CDH13: variants seen among roughly 807,000 people sequenced by gnomAD.
CDH13 encodes cadherin 13, also known as cadherin-13.
Under a neutral mutation model 63.8 loss-of-function variants are expected in CDH13, and 24 were observed. The ratio of observed to expected loss-of-function variants is 0.38; its 90% CI spans 0.27 to 0.53. CDH13 has a LOEUF of 0.53. Ranked by LOEUF, CDH13 falls within the 20% of genes least tolerant of loss-of-function variation. The pLI, the probability that CDH13 is intolerant of heterozygous loss-of-function variation, is 0.85. For missense variants in CDH13, 1,049 were observed against 903.1 expected (o/e 1.16, Z -2.07); for synonymous variants, 503 against 355.3 (o/e 1.42, Z -4.67).
At chr16:83,293,951 G>T (rs1167768802) in intron 5 of CDH13, among the ~76,000 whole-genome samples, 1 of 152,004 alleles carries the variant, frequency 6.6e-6, no homozygotes, top group Admixed American at 6.6e-5. Flanking sequence ...TTTCATACAG[G>T]TATTATTGTT....
At chr16:83,633,664 G>T (rs146621276) in intron 8 of CDH13, among the ~76,000 whole-genome samples, 7 of 152,230 alleles carry the variant, frequency 4.6e-5, no homozygotes, top group African/African-American at 1.4e-4. Context: ...TGGAGGCTTG[G>T]CTTCCAGGAA....
chr16:82,816,759 T>C (rs2037733698), intron 1 of CDH13, among the ~76,000 whole-genome samples: 1 of 136,200 alleles, frequency 7.3e-6, no homozygotes, highest in South Asian at 2.4e-4. Context: ...AGATGTTTTA[T>C]CATCACCGTC....
intron 1 of CDH13, among the ~76,000 whole-genome samples, chr16:82,664,315 T>A (rs1912332484): frequency 6.6e-6 from 1 of 152,236 alleles, no homozygotes; most frequent in East Asian, 1.9e-4. Flanking sequence ...CCTGCTTCAC[T>A]CTTGTCTCTC....
At chr16:83,770,201 T>C (rs930186719) in intron 11 of CDH13, among the ~76,000 whole-genome samples, 12 of 152,198 alleles carry the variant, frequency 7.9e-5, no homozygotes, top group African/African-American at 2.4e-4. Context: ...AGCAATATAC[T>C]GTTGGCCATG....
At chr16:82,751,213 C>T (rs931342811) in intron 1 of CDH13, among the ~76,000 whole-genome samples, 2 of 152,212 alleles carry the variant, frequency 1.3e-5, no homozygotes, top group Non-Finnish European at 2.9e-5. Context: ...GATTCATGGG[C>T]TTGCAACATG....
At chr16:83,207,321 G>T (rs2039211374) in intron 4 of CDH13, among the ~76,000 whole-genome samples, 1 of 152,102 alleles carries the variant, frequency 6.6e-6, no homozygotes, top group African/African-American at 2.4e-5. Flanking sequence ...CTTGTAAGTG[G>T]AATCAGACAA....
At chr16:82,920,374 G>A (rs1278151503) in intron 2 of CDH13, among the ~76,000 whole-genome samples, 3 of 152,188 alleles carry the variant, frequency 2.0e-5, no homozygotes, top group Non-Finnish European at 2.9e-5. Context: ...GTCTAACACA[G>A]TTCAAACCAA....
chr16:83,166,243 T>C (rs1225968494), intron 4 of CDH13, among the ~76,000 whole-genome samples: 1 of 152,054 alleles, frequency 6.6e-6, no homozygotes, highest in African/African-American at 2.4e-5. Context: ...GCTGCTCTGG[T>C]ACAATTGAGG....
At chr16:82,807,897 G>T (rs537421399) in intron 1 of CDH13, among the ~76,000 whole-genome samples, 218 of 152,226 alleles carry the variant, frequency 1.4e-3, no homozygotes, top group Non-Finnish European at 2.8e-3. Context: ...GAATATCTTG[G>T]GTAATTTTCA....
intron 3 of CDH13, among the ~76,000 whole-genome samples, chr16:83,054,458 A>G (rs1444260600): frequency 1.3e-5 from 2 of 152,214 alleles, no homozygotes; most frequent in Non-Finnish European, 2.9e-5. Context: ...GCTACTGAGT[A>G]ACTAATGGGA....
intron 2 of CDH13, among the ~76,000 whole-genome samples, chr16:82,936,133 G>A (rs375830812): frequency 1.3e-5 from 2 of 152,120 alleles, no homozygotes; most frequent in Admixed American, 6.6e-5. Flanking sequence ...AAAGGAAGAC[G>A]GAGCTGCCAT....
chr16:83,763,679 C>A lies in CDH13; in HGVS notation c.1681+15429C>A, dbSNP rs140065533. On this transcript the variant is annotated intron_variant, in intron 11 of 13. Transcript: ENST00000567109. ...GCAACCCAATCAAGCCAGTTTAACA[C>A]CCCTTATCTCAGCTGTGATATTAAT... 4.9e-4 allele frequency among the ~76,000 whole-genome samples: 74 copies of A among 152,258 alleles called. 3 individuals are homozygous for A. The East Asian group carries it at 0.011, about 23-fold the overall frequency.
At chr16:83,320,435 G>C (rs759649280) in intron 5 of CDH13, among the ~76,000 whole-genome samples, 2 of 152,196 alleles carry the variant, frequency 1.3e-5, no homozygotes, top group Non-Finnish European at 2.9e-5. Context: ...TGTCACCCAG[G>C]CATTGCTAGA....
chr16:83,747,604 T>C (rs1024973031), intron 10 of CDH13, among the ~76,000 whole-genome samples: 5 of 151,526 alleles, frequency 3.3e-5, no homozygotes, highest in African/African-American at 9.7e-5. Context: ...CACTCTCTGA[T>C]GACATCCTAT....
At chr16:82,828,920 C>G (rs934888300) in intron 1 of CDH13, among the ~76,000 whole-genome samples, 1 of 152,050 alleles carries the variant, frequency 6.6e-6, no homozygotes, top group Non-Finnish European at 1.5e-5. Context: ...CTCACAGATA[C>G]CAAGGGACAA....
At chr16:82,639,503 A>C in intron 1 of CDH13, 1 of 1,366,416 alleles carries the variant, frequency 7.3e-7, no homozygotes, top group Non-Finnish European at 1.0e-6. Context: ...GGCTGGATGG[A>C]ATTCTTCCCT....
At chr16:83,287,347 C>G (rs4782527) in intron 5 of CDH13, among the ~76,000 whole-genome samples, 33,351 of 152,108 alleles carry the variant, frequency 0.22, 3,780 homozygotes, top group Non-Finnish European at 0.24. Context: ...TAGCCTATGA[C>G]CTGTTAGGAA....
chr16:83,740,212 C>G (rs752710824), intron 10 of CDH13, among the ~76,000 whole-genome samples: 2 of 152,012 alleles, frequency 1.3e-5, no homozygotes, highest in Non-Finnish European at 2.9e-5. Context: ...GATGGATCCT[C>G]TAGGACCTTA....
intron 1 of CDH13, among the ~76,000 whole-genome samples, chr16:82,744,080 C>T (rs1017922726): frequency 2.0e-5 from 3 of 152,148 alleles, no homozygotes; most frequent in South Asian, 2.1e-4. Context: ...AAGAAATCTT[C>T]GCCTCCAAGA....
Sources: gnomAD v4.1 joint callset for allele counts (sites outside exome capture counted in the v4.1 genomes callset) on GRCh38, gnomAD v4.1.1 for gene constraint, MANE v1.5 for transcripts, NCBI Gene and HGNC (gene_info 2026-07-23, HGNC 2026-07-21) for gene names.